Variants in LRBA observed in about 807,000 individuals in gnomAD.
The protein encoded by LRBA is LPS responsive beige-like anchor protein.
Under a neutral mutation model 330.0 loss-of-function variants are expected in LRBA, and 176 were observed. The ratio of observed to expected loss-of-function variants is 0.53; its 90% CI spans 0.47 to 0.60. The LOEUF is 0.60. Among genes scored for constraint, LRBA ranks in the 20% least tolerant of loss-of-function variants. LRBA has a pLI of 0.00. For synonymous variants in LRBA, 1,230 were observed against 1,193.0 expected (o/e 1.03, Z -0.64); for missense variants, 3,259 against 3,444.8 (o/e 0.95, Z 1.35).
intron 17 of LRBA, among the ~76,000 whole-genome samples, chr4:150,881,311 T>C (rs1285215699): frequency 6.6e-6 from 1 of 152,170 alleles, no homozygotes; most frequent in South Asian, 2.1e-4. Flanking sequence ...GTAATACATA[T>C]ACACCAAAGA....
At chr4:150,939,309 C>T (rs992189804) in intron 2 of LRBA, among the ~76,000 whole-genome samples, 2 of 152,134 alleles carry the variant, frequency 1.3e-5, no homozygotes, top group African/African-American at 4.8e-5. Flanking sequence ...TCCAATATGA[C>T]TGTTACCCTT....
chr4:150,928,075 C>T (rs1260879622), intron 4 of LRBA, among the ~76,000 whole-genome samples: 1 of 152,184 alleles, frequency 6.6e-6, no homozygotes, highest in Non-Finnish European at 1.5e-5. Context: ...CCCATCACTA[C>T]CCATTGCAAA....
chr4:150,518,241 A>C (rs1328476499), intron 40 of LRBA, among the ~76,000 whole-genome samples: 1 of 152,222 alleles, frequency 6.6e-6, no homozygotes, highest in African/African-American at 2.4e-5. Flanking sequence ...TGATAACCTA[A>C]GCAACTAACA....
At chr4:150,351,378 A>C (rs1737128023) in intron 47 of LRBA, among the ~76,000 whole-genome samples, 1 of 152,104 alleles carries the variant, frequency 6.6e-6, no homozygotes, top group Admixed American at 6.6e-5. Flanking sequence ...TCAAACATAA[A>C]CTCTAAAGCT....
intron 40 of LRBA, among the ~76,000 whole-genome samples, chr4:150,567,607 T>G (rs183020902): frequency 5.9e-5 from 9 of 152,280 alleles, no homozygotes; most frequent in Middle Eastern, 3.4e-3. Context: ...TAAGTCATTA[T>G]AGATTTGTTG....
At chr4:150,665,718 T>C (rs1781500766) in intron 37 of LRBA, among the ~76,000 whole-genome samples, 1 of 152,232 alleles carries the variant, frequency 6.6e-6, no homozygotes. Flanking sequence ...TGTTGTTATA[T>C]GCACCAGTAA....
intron 2 of LRBA, among the ~76,000 whole-genome samples, chr4:150,939,748 G>A (rs773406071): frequency 8.5e-5 from 13 of 152,050 alleles, no homozygotes; most frequent in Non-Finnish European, 1.6e-4. Flanking sequence ...CTACAACACC[G>A]TACTCTCCTT....
intron 40 of LRBA, among the ~76,000 whole-genome samples, chr4:150,526,765 T>C (rs1405146783): frequency 6.6e-6 from 1 of 152,166 alleles, no homozygotes; most frequent in Non-Finnish European, 1.5e-5. Context: ...ATTTCTTCAG[T>C]ATGGATTCCT....
intron 47 of LRBA, among the ~76,000 whole-genome samples, chr4:150,377,451 GTAAAT>G (rs1257657272): frequency 2.0e-5 from 3 of 152,162 alleles, no homozygotes; most frequent in African/African-American, 7.2e-5. Flanking sequence ...TGTCTACCAA[GTAAAT>G]TAAAGGACCC....
intron 40 of LRBA, among the ~76,000 whole-genome samples, chr4:150,569,564 A>G (rs1463253703): frequency 6.6e-6 from 1 of 152,156 alleles, no homozygotes; most frequent in Admixed American, 6.6e-5. Flanking sequence ...CATAACTACT[A>G]TAACTGTACA....
chr4:150,537,388 G>C (rs372593057), intron 40 of LRBA, among the ~76,000 whole-genome samples: 1 of 152,028 alleles, frequency 6.6e-6, no homozygotes, highest in African/African-American at 2.4e-5. Flanking sequence ...AGAAAACCTA[G>C]GAAGTACCAT....
At chr4:150,814,125 G>A (rs936297266) in intron 31 of LRBA, among the ~76,000 whole-genome samples, 7 of 152,126 alleles carry the variant, frequency 4.6e-5, no homozygotes, top group African/African-American at 1.4e-4. Flanking sequence ...TACTGAATGT[G>A]TATTGCTTTC....
Position 150,850,816 on chromosome 4 carries a change from A to C in LRBA, c.3912T>G (p.Phe1304Leu), listed in dbSNP as rs13151294. Residue 1304 changes from phenylalanine to leucine, a missense_variant, in exon 24 of 57, where the codon TTT becomes TTG. By Grantham distance (22) the Phe-to-Leu change is conservative. Transcript: ENST00000651943. ...GAGACCAGTTGAACTCAGGAATACG[A>C]AACACAGTAGATCTGGAATCCCTCC... ...GQRRDSRSTV[F>L]RIPEFNWSQM... The C allele has an allele frequency of 6.2e-7, 1 of 1,613,890 alleles. No homozygotes were observed. The highest frequency in any genetic ancestry group is 1.1e-5 in the South Asian group (1 of 91,072).
At chr4:150,505,792 G>A (rs900928845) in intron 40 of LRBA, among the ~76,000 whole-genome samples, 4 of 152,188 alleles carry the variant, frequency 2.6e-5, no homozygotes, top group Non-Finnish European at 4.4e-5. Context: ...GAATCCAGGA[G>A]TTGGTTTTTT....
Position 150,683,706 on chromosome 4 carries a change from G to A in LRBA, c.5766C>T (p.Ala1922=), listed in dbSNP as rs1376254189. The change falls in exon 37 of 57, where the codon GCC becomes GCT. Residue 1922 remains alanine (A), a synonymous_variant. Coordinates refer to ENST00000651943, the MANE Select transcript of LRBA (RefSeq NM_001364905.1). ...HRHAEFESLC[A]QYSADKREDE... ...CTTCTCGTTTGTCTGCAGAATACTG[G>A]GCACACAGTGACTTGGAGAGAAAAA... 3 of 1,604,142 alleles carry A rather than the reference G, an allele frequency of 1.9e-6. No individual in the cohort carries two copies. Among genetic ancestry groups the A allele is most frequent in the Non-Finnish European group, 2.6e-6 (3 of 1,174,238 alleles).
At position 150,934,524 on chromosome 4, in the gene LRBA, C is replaced by T. The variant is rs543550551; in HGVS notation, c.217-5459G>A. 2.5e-3 allele frequency among the ~76,000 whole-genome samples: 386 copies of T among 152,236 alleles called. 1 individual carries two copies. Among genetic ancestry groups the T allele is most frequent in the African/African-American group, 8.6e-3 (357 of 41,534 alleles). On this transcript the variant is annotated intron_variant, in intron 2 of 56. Coordinates refer to ENST00000651943, the MANE Select transcript of LRBA (RefSeq NM_001364905.1). ...ATCAATAAGACAGAAATAGCCTACC[C>T]GTATTTGCAGGAACACTGTGTCTTA...
intron 52 of LRBA, among the ~76,000 whole-genome samples, chr4:150,306,756 A>G (rs2126865615): frequency 6.6e-6 from 1 of 152,294 alleles, no homozygotes; most frequent in South Asian, 2.1e-4. Context: ...GTTACAAATT[A>G]CAGCATTTTC....
rs1052046363 is a variant in LRBA, at chr4:150,566,954, T to C, written c.6330+21094A>G. On this transcript the variant is annotated intron_variant, in intron 40 of 56. Coordinates refer to ENST00000651943, the MANE Select transcript of LRBA (RefSeq NM_001364905.1). ...GGTTTCAGTTTTGTATAAAGACTCA[T>C]TATAAGCCACAATATTTCCTAAGTA... Among the ~76,000 whole-genome samples, 4 of 152,252 alleles carry C rather than the reference T, an allele frequency of 2.6e-5. No homozygotes were observed. In the South Asian group the frequency reaches 6.2e-4, roughly 24 times the overall value.
intron 2 of LRBA, among the ~76,000 whole-genome samples, chr4:150,939,833 T>C (rs1305738066): frequency 6.6e-6 from 1 of 151,998 alleles, no homozygotes; most frequent in Non-Finnish European, 1.5e-5. Context: ...CTCCAAATAA[T>C]GGAAAGGAGG....
Sources: allele counts gnomAD v4.1 joint callset (sites outside exome capture counted in the v4.1 genomes callset), GRCh38; gene constraint gnomAD v4.1.1; transcripts MANE v1.5; gene names NCBI Gene and HGNC (gene_info 2026-07-23, HGNC 2026-07-21).